The following MED15 variants were observed in gnomAD, a reference collection of about 807,000 sequenced individuals.
MED15 encodes the protein mediator of RNA polymerase II transcription subunit 15.
A neutral mutation model predicts 118.7 loss-of-function variants in MED15; 41 were observed. That is an observed-to-expected ratio of 0.35 (90% confidence interval 0.27 to 0.45). The LOEUF (loss-of-function observed/expected upper bound fraction) is 0.45, where lower values mean the gene tolerates loss of function less well. Among genes scored for constraint, MED15 ranks in the 20% least tolerant of loss-of-function variants. MED15 has a pLI of 1.00. For missense variants in MED15, 740 were observed against 1,025.5 expected, an observed-to-expected ratio of 0.72 and a Z score of 3.80; for synonymous variants, 436 against 413.9, an observed-to-expected ratio of 1.05 and a Z score of -0.65.
chr22:20,523,628 G>C (rs1482590798), intron 1 of MED15: 9 of 984,788 alleles, frequency 9.1e-6, no homozygotes, highest in East Asian at 1.1e-4. Context: ...TGGGTTGGCA[G>C]ATCTCCTCCT....
rs771734946 is a variant in MED15, at chr22:20,568,592, G to A, written c.1113G>A (p.Gln371=). Residue 371 remains glutamine (Q), a synonymous_variant, in exon 8 of 18, where the codon CAG becomes CAA. Transcript: ENST00000263205. ...PQVQQQQTAV[Q]TAQAAQMVAP... is the part of the protein sequence containing the mutation. The stretch of plus-strand genomic sequence containing the variant: ...TGCAGCAGCAGCAGACAGCAGTACA[G>A]ACAGCTCAGGCTGCCCAGATGGTGG... 26 of 1,613,712 alleles carry A rather than the reference G, an allele frequency of 1.6e-5. No individual in the cohort carries two copies. The South Asian group carries it at 2.9e-4, about 18-fold the overall frequency.
intron 9 of MED15, among the ~76,000 whole-genome samples, chr22:20,579,831 C>T (rs900111633): frequency 1.5e-4 from 23 of 152,242 alleles, no homozygotes; most frequent in African/African-American, 5.5e-4. Flanking sequence ...CAACCTGTGA[C>T]ACACAGGTGA....
chr22:20,514,762 T>C (rs1039344943), intron 1 of MED15, among the ~76,000 whole-genome samples: 2 of 152,178 alleles, frequency 1.3e-5, no homozygotes, highest in Non-Finnish European at 2.9e-5. Flanking sequence ...TTCAGAAGGA[T>C]AGGGAGTGCC....
At chr22:20,537,243 C>T in intron 2 of MED15, 39 bp downstream of exon 2, 1 of 1,574,296 alleles carries the variant, frequency 6.4e-7, no homozygotes, top group Non-Finnish European at 8.7e-7. Flanking sequence ...GGCAGAGAGA[C>T]TTGGAGAGGA....
chr22:20,544,659 C>G (rs1803602104), intron 2 of MED15, among the ~76,000 whole-genome samples: 1 of 152,138 alleles, frequency 6.6e-6, no homozygotes, highest in South Asian at 2.1e-4. Context: ...GAGTGAGACT[C>G]TGTCTCAAAA....
chr22:20,559,162 AAT>A (rs386819794), intron 5 of MED15, among the ~76,000 whole-genome samples: 1 of 152,192 alleles, frequency 6.6e-6, no homozygotes, highest in Admixed American at 6.5e-5. Flanking sequence ...TCTCTGAAAA[AAT>A]AGAAAACAAA....
intron 1 of MED15, among the ~76,000 whole-genome samples, chr22:20,526,420 C>T (rs1448108348): frequency 3.9e-5 from 6 of 152,292 alleles, no homozygotes; most frequent in South Asian, 4.1e-4. Flanking sequence ...TCCCTTCCAT[C>T]GCCATTATCT....
At chr22:20,558,414 G>A (rs1183443600) in intron 5 of MED15, among the ~76,000 whole-genome samples, 1 of 152,142 alleles carries the variant, frequency 6.6e-6, no homozygotes, top group African/African-American at 2.4e-5. Flanking sequence ...CAGGTTAGTC[G>A]GAAAAGGCTG....
At chr22:20,512,975 C>T (rs866549285) in intron 1 of MED15, among the ~76,000 whole-genome samples, 7 of 151,850 alleles carry the variant, frequency 4.6e-5, no homozygotes, top group East Asian at 1.9e-4. Context: ...CTCCTGACCT[C>T]GTGATCCACC....
At chr22:20,566,030 CTTTTTTTTTTTT>C (rs555771579) in intron 6 of MED15, among the ~76,000 whole-genome samples, 1 of 119,600 alleles carries the variant, frequency 8.4e-6, no homozygotes, top group African/African-American at 3.3e-5. Context: ...CCAGGAAGGC[CTTTTTTTTTTTT>C]TTTTTTTTGA....
chr22:20,520,807 G>A (rs2054420210), intron 1 of MED15, among the ~76,000 whole-genome samples: 1 of 151,968 alleles, frequency 6.6e-6, no homozygotes, highest in Non-Finnish European at 1.5e-5. Flanking sequence ...GTACAATCTC[G>A]GCTAACTGCA....
intron 9 of MED15, among the ~76,000 whole-genome samples, chr22:20,576,794 C>T (rs1246341586): frequency 6.6e-6 from 1 of 152,162 alleles, no homozygotes; most frequent in African/African-American, 2.4e-5. Flanking sequence ...AGTTCCACGA[C>T]CTGCTCACAT....
At chr22:20,585,588 A>T (rs1601654999) in intron 16 of MED15, 140 bp from the exon 17 acceptor site, 1 of 791,288 alleles carries the variant, frequency 1.3e-6, no homozygotes, top group Non-Finnish European at 2.0e-6. Flanking sequence ...GAAATCTGAG[A>T]GTCAGAGAGA....
intron 14 of MED15, chr22:20,584,628 G>T (rs1459736554): frequency 3.7e-6 from 3 of 806,274 alleles, no homozygotes; most frequent in Admixed American, 2.6e-5. Flanking sequence ...GGCCCCCGTG[G>T]GTGCCTCCTT....
chr22:20,565,122 C>CA (rs922028448), intron 6 of MED15, among the ~76,000 whole-genome samples: 8 of 151,712 alleles, frequency 5.3e-5, no homozygotes, highest in African/African-American at 7.2e-5. Context: ...GACTCCGTCT[C>CA]AAAAAAAATA....
At chr22:20,572,419 G>A (rs946675644) in intron 8 of MED15, among the ~76,000 whole-genome samples, 1 of 152,252 alleles carries the variant, frequency 6.6e-6, no homozygotes, top group Admixed American at 6.5e-5. Context: ...TCTTAGAGCC[G>A]AAGAGAGGCG....
intron 1 of MED15, among the ~76,000 whole-genome samples, chr22:20,517,852 A>ATTT (rs59692711): frequency 0.094 from 14,191 of 151,676 alleles, 1,450 homozygotes; most frequent in African/African-American, 0.26. Context: ...AATTAGATCC[A>ATTT]TTTTTTTTCT....
At chr22:20,518,766 C>A in intron 1 of MED15, 1 of 391,766 alleles carries the variant, frequency 2.6e-6, no homozygotes, top group Non-Finnish European at 5.1e-6. Flanking sequence ...TTTTGTCCAT[C>A]AGTGCTGCCT....
intron 5 of MED15, among the ~76,000 whole-genome samples, chr22:20,562,453 C>T (rs1395555987): frequency 2.6e-5 from 4 of 152,112 alleles, no homozygotes; most frequent in South Asian, 4.2e-4. Context: ...GGCGCGATCT[C>T]GGCTCACTGC....
Sources: gnomAD v4.1 joint callset for allele counts (sites outside exome capture counted in the v4.1 genomes callset) on GRCh38, gnomAD v4.1.1 for gene constraint, MANE v1.5 for transcripts, NCBI Gene and HGNC (gene_info 2026-07-23, HGNC 2026-07-21) for gene names.